Variants in RBP3 observed in about 807,000 individuals in gnomAD.
The protein encoded by RBP3 is retinol binding protein 3, also known as retinol-binding protein 3.
In RBP3, 50 loss-of-function variants were observed where a neutral mutation model predicts 64.8. That is an observed-to-expected ratio of 0.77 (90% CI 0.61 to 0.98). The LOEUF is 0.98. Among genes scored for constraint, RBP3 ranks in the 50% least tolerant of loss-of-function variants. The pLI is 0.00. For synonymous variants in RBP3, 828 were observed against 730.2 expected, an observed-to-expected ratio of 1.13 and a Z score of -2.16; for missense variants, 1,712 against 1,660.5, an observed-to-expected ratio of 1.03 and a Z score of -0.54.
Position 47,357,435 on chromosome 10 carries a change from C to T in RBP3, c.3722C>T (p.Pro1241Leu). ...AACCAGCTGAGGGTGAAGCGGAGCCCAGGCCTGCAGGACCACCTGTAGGGA... is the reference window on the plus strand; with the variant it reads ...AACCAGCTGAGGGTGAAGCGGAGCCTAGGCCTGCAGGACCACCTGTAGGGA... ...QHNQLRVKRS[P>L]GLQDHL Residue 1241 changes from proline (P) to leucine (L), a missense_variant, in exon 4 of 4, where the codon CCA becomes CTA. Pro to Leu is a moderately conservative substitution (Grantham distance 98). Transcript: ENST00000584701. 6.2e-7 allele frequency: 1 copy of T among 1,612,424 alleles called. No homozygotes were observed. Among genetic ancestry groups the T allele is most frequent in the Non-Finnish European group, 8.5e-7 (1 of 1,179,322 alleles).
chr10:47,351,082 G>C lies in RBP3; in HGVS notation c.2598G>C (p.Thr866=). ...CCATGCAGGACCTGCAGCGGGCCAC[G>C]GTCATTGGGGAGCCCACGGCCGGAG... is the stretch of plus-strand genomic sequence containing the variant. The part of the protein sequence containing the change: ...AHTMQDLQRA[T]VIGEPTAGGA... Residue 866 remains threonine, a synonymous_variant, in exon 1 of 4, where the codon ACG becomes ACC. Coordinates refer to ENST00000584701, the MANE Select transcript of RBP3 (RefSeq NM_002900.3). The C allele has an allele frequency of 6.2e-7, 1 of 1,612,236 alleles. No homozygotes were observed. Among genetic ancestry groups the C allele is most frequent in the Non-Finnish European group, 8.5e-7 (1 of 1,179,956 alleles).
In RBP3 at chr10:47,351,067, C is replaced by T; in HGVS notation, c.2583C>T (p.Asp861=). The part of the protein sequence containing the change: ...AAEAFAHTMQ[D]LQRATVIGEP... ...AGGCCTTTGCACACACCATGCAGGA[C>T]CTGCAGCGGGCCACGGTCATTGGGG... Residue 861 remains aspartate (D), a synonymous_variant, in exon 1 of 4, where the codon GAC becomes GAT. Coordinates refer to ENST00000584701, the MANE Select transcript of RBP3 (RefSeq NM_002900.3). The T allele has an allele frequency of 1.2e-6, 2 of 1,611,772 alleles. No homozygotes were observed. The highest frequency in any genetic ancestry group is 1.7e-6 in the Non-Finnish European group (2 of 1,179,892).
In RBP3 at chr10:47,353,507, C is replaced by T. The variant is rs782212810; in HGVS notation, c.3237C>T (p.Ile1079=). The T allele has an allele frequency of 8.4e-5, 136 of 1,613,884 alleles. No homozygotes were observed. Among genetic ancestry groups the T allele is most frequent in the Non-Finnish European group, 1.1e-4 (126 of 1,180,016 alleles). The change falls in exon 2 of 4, where the codon ATC becomes ATT. Residue 1079 remains isoleucine, a synonymous_variant. Coordinates refer to ENST00000584701, the MANE Select transcript of RBP3 (RefSeq NM_002900.3). ...TCATGCACACGGATGCCATGATCAT[C>T]GACATGAGGTCAGTGGCCAGGGGTC... The part of the protein sequence containing the change: ...KKIMHTDAMI[I]DMRFNIGGPT...
chr10:47,353,878 G>C (rs556860342), intron 2 of RBP3, among the ~76,000 whole-genome samples: 3 of 152,304 alleles, frequency 2.0e-5, no homozygotes, highest in South Asian at 4.2e-4. Flanking sequence ...AGCTCCAGGG[G>C]ACAGGCCCGA....
In RBP3 at chr10:47,349,008, G is replaced by A; in HGVS notation, c.524G>A (p.Gly175Asp). ...LVLDLRHCTGGQVSGIPYIIS... is the reference protein window; with the variant it reads ...LVLDLRHCTGDQVSGIPYIIS... ...CTGGATCTCCGGCACTGCACAGGAGGCCAGGTCTCTGGCATTCCCTACATC... is the reference window on the plus strand; with the variant it reads ...CTGGATCTCCGGCACTGCACAGGAGACCAGGTCTCTGGCATTCCCTACATC... The change falls in exon 1 of 4, where the codon GGC (glycine) becomes GAC (aspartate). Residue 175 changes from glycine (G) to aspartate (D), a missense_variant. Physicochemically the swap from Gly to Asp is moderately conservative, Grantham distance 94 (BLOSUM62 -1). Transcript: ENST00000584701. 1 of 1,614,030 alleles carries A rather than the reference G, an allele frequency of 6.2e-7. No homozygotes were observed. The highest frequency in any genetic ancestry group is 8.5e-7 in the Non-Finnish European group (1 of 1,180,030).
rs781900161 is a variant in RBP3 at position 47,357,109 on chromosome 10, C to A, written c.3396C>A (p.Arg1132=). 4 of 1,610,720 alleles carry A rather than the reference C, an allele frequency of 2.5e-6. No individual in the cohort carries two copies. Among genetic ancestry groups the A allele is most frequent in the Non-Finnish European group, 2.5e-6 (3 of 1,179,906 alleles). Residue 1132 remains arginine, a synonymous_variant, in exon 4 of 4, where the codon CGC becomes CGA. Coordinates refer to ENST00000584701, the MANE Select transcript of RBP3 (RefSeq NM_002900.3). ...GGGCCTTATGTCTTCCAGGTGAACG[C>A]TATGGCTCCAAGAAGAGCATGGTCA... ...LWTHAQVVGE[R]YGSKKSMVIL...
chr10:47,356,739 T>C (rs1837051731), intron 3 of RBP3, among the ~76,000 whole-genome samples: 1 of 152,130 alleles, frequency 6.6e-6, no homozygotes, highest in South Asian at 2.1e-4. Flanking sequence ...ACATCACAAA[T>C]TGGGCTTTTC....
chr10:47,351,405 G>A lies in RBP3; in HGVS notation c.2921G>A (p.Arg974Lys), dbSNP rs782423972. The A allele has an allele frequency of 3.8e-5, 61 of 1,613,608 alleles. No homozygotes were observed. The highest frequency in any genetic ancestry group is 4.9e-5 in the Non-Finnish European group (58 of 1,180,048). The change falls in exon 1 of 4, where the codon AGG (arginine) becomes AAG (lysine). Residue 974 changes from arginine (R) to lysine (K), a missense_variant. Coordinates refer to ENST00000584701, the MANE Select transcript of RBP3 (RefSeq NM_002900.3). The part of the protein sequence containing the change: ...KLSGLQSRYS[R>K]VTSEVALAEI... ...AGCGGTCTGCAGAGCCGCTACTCCA[G>A]GGTGACCTCAGAAGTGGCCCTAGCC... is the stretch of plus-strand genomic sequence containing the variant.
At chr10:47,351,591 A>G (rs1162523054) in intron 1 of RBP3, 53 bp downstream of exon 1, 2 of 1,603,518 alleles carry the variant, frequency 1.2e-6, no homozygotes, top group African/African-American at 2.7e-5. Context: ...GAGTTGACCC[A>G]TTGTCCGCAC....
In RBP3 at chr10:47,350,686, C is replaced by T; in HGVS notation, c.2202C>T (p.Phe734=). The part of the protein sequence containing the change: ...EELTYLIEAL[F]KTEVLPGQLG... ...TCACCTACCTTATTGAGGCCCTGTT[C>T]AAGACAGAGGTGCTGCCCGGCCAGC... Residue 734 remains phenylalanine (F), a synonymous_variant, in exon 1 of 4, where the codon TTC becomes TTT. Coordinates refer to ENST00000584701, the MANE Select transcript of RBP3 (RefSeq NM_002900.3). 6.2e-7 allele frequency: 1 copy of T among 1,613,106 alleles called. No individual in the cohort carries two copies. Among genetic ancestry groups the T allele is most frequent in the Non-Finnish European group, 8.5e-7 (1 of 1,180,024 alleles).
At position 47,357,456 on chromosome 10, in the gene RBP3, A is replaced by G; in HGVS notation, c.3743A>G (p.Ter1248TrpextTer5). ...KRSPGLQDHL[*>W] ...AGCCCAGGCCTGCAGGACCACCTGT[A>G]GGGAAGGGCCCCATAGGCAGAGCCC... Residue 1248 changes from the stop codon to tryptophan, a stop_lost, in exon 4 of 4, where the codon TAG (stop) becomes TGG (tryptophan). Coordinates refer to ENST00000584701, the MANE Select transcript of RBP3 (RefSeq NM_002900.3). 6.2e-7 allele frequency: 1 copy of G among 1,607,530 alleles called. No individual in the cohort carries two copies. The highest frequency in any genetic ancestry group is 8.5e-7 in the Non-Finnish European group (1 of 1,177,022).
intron 3 of RBP3, among the ~76,000 whole-genome samples, chr10:47,356,888 C>T (rs1565769230): frequency 6.6e-6 from 1 of 152,214 alleles, no homozygotes; most frequent in Non-Finnish European, 1.5e-5. Flanking sequence ...TTGTCAAGCA[C>T]TGAAATCCTC....
chr10:47,357,457 G>T lies in RBP3; in HGVS notation c.3744G>T (p.Ter1248TyrextTer5). 1 of 1,607,052 alleles carries T rather than the reference G, an allele frequency of 6.2e-7. No homozygotes were observed. The highest frequency in any genetic ancestry group is 1.7e-5 in the Admixed American group (1 of 59,092). Residue 1248 changes from the stop codon to tyrosine, a stop_lost, in exon 4 of 4, where the codon TAG becomes TAT. Transcript: ENST00000584701. ...KRSPGLQDHL* is the reference protein window; with the variant it reads ...KRSPGLQDHLY ...GCCCAGGCCTGCAGGACCACCTGTA[G>T]GGAAGGGCCCCATAGGCAGAGCCCC...
rs1555211545 is a variant in RBP3, at chr10:47,351,256, T to C, written c.2772T>C (p.Leu924=). The C allele has an allele frequency of 3.1e-6, 5 of 1,613,390 alleles. No homozygotes were observed. Among genetic ancestry groups the C allele is most frequent in the Non-Finnish European group, 4.2e-6 (5 of 1,180,032 alleles). Residue 924 remains leucine (L), a synonymous_variant, in exon 1 of 4, where the codon CTT becomes CTC. Coordinates refer to ENST00000584701, the MANE Select transcript of RBP3 (RefSeq NM_002900.3). ...PDITVPMSEA[L]SIAQDIVALR... ...TCACTGTGCCCATGAGCGAAGCCCT[T>C]TCCATAGCCCAGGACATAGTGGCTC...
chr10:47,357,190 G>A lies in RBP3; in HGVS notation c.3477G>A (p.Lys1159=), dbSNP rs781867037. The stretch of plus-strand genomic sequence containing the variant: ...CGGAGGAGTTCACCTATATCATGAA[G>A]AGGCTGGGCCGGGCCCTGGTCATTG... ...GTAEEFTYIM[K]RLGRALVIGE... The change falls in exon 4 of 4, where the codon AAG becomes AAA. Residue 1159 remains lysine (K), a synonymous_variant. Coordinates refer to ENST00000584701, the MANE Select transcript of RBP3 (RefSeq NM_002900.3). The A allele has an allele frequency of 1.1e-5, 17 of 1,613,906 alleles. 1 individual carries two copies. In the Admixed American group the frequency reaches 2.8e-4, roughly 27 times the overall value.
intron 3 of RBP3, 75 bp from the exon 4 acceptor site, chr10:47,357,027 C>T: frequency 7.1e-7 from 1 of 1,417,258 alleles, no homozygotes; most frequent in Non-Finnish European, 9.7e-7. Context: ...CACTGCAGGC[C>T]CAGGCAGGAT....
At chr10:47,354,985 GA>G (rs1471231009) in intron 2 of RBP3, among the ~76,000 whole-genome samples, 1 of 152,236 alleles carries the variant, frequency 6.6e-6, no homozygotes, top group African/African-American at 2.4e-5. Context: ...AATGCAACGG[GA>G]AAAACAATGT....
In RBP3 at chr10:47,349,459, C is replaced by T. The variant is rs1565764716; in HGVS notation, c.975C>T (p.Ala325=). ...KALAILTLRS[A]LPGVVHCLQE... is the part of the protein sequence containing the mutation. ...TGGCCATCCTCACTCTGCGCAGCGCCCTTCCAGGGGTAGTCCACTGCCTCC... is the reference window on the plus strand; with the variant it reads ...TGGCCATCCTCACTCTGCGCAGCGCTCTTCCAGGGGTAGTCCACTGCCTCC... Residue 325 remains alanine, a synonymous_variant, in exon 1 of 4, where the codon GCC becomes GCT. Transcript: ENST00000584701. 1 of 1,612,692 alleles carries T rather than the reference C, an allele frequency of 6.2e-7. No individual in the cohort carries two copies. Among genetic ancestry groups the T allele is most frequent in the Non-Finnish European group, 8.5e-7 (1 of 1,180,014 alleles).
Position 47,351,178 on chromosome 10 carries a change from C to T in RBP3, c.2694C>T (p.Ala898=). The change falls in exon 1 of 4, where the codon GCC becomes GCT. Residue 898 remains alanine (A), a synonymous_variant. Coordinates refer to ENST00000584701, the MANE Select transcript of RBP3 (RefSeq NM_002900.3). ...PLYASMPTQM[A]MSATTGKAWD... is the part of the protein sequence containing the mutation. The stretch of plus-strand genomic sequence containing the variant: ...ATGCATCCATGCCCACCCAGATGGC[C>T]ATGAGTGCCACCACAGGCAAGGCCT... The T allele has an allele frequency of 6.2e-7, 1 of 1,613,154 alleles. No individual in the cohort carries two copies. Among genetic ancestry groups the T allele is most frequent in the Non-Finnish European group, 8.5e-7 (1 of 1,180,032 alleles).
Sources: gnomAD v4.1 joint callset for allele counts (sites outside exome capture counted in the v4.1 genomes callset) on GRCh38, gnomAD v4.1.1 for gene constraint, MANE v1.5 for transcripts, NCBI Gene and HGNC (gene_info 2026-07-23, HGNC 2026-07-21) for gene names.